Variants in SYNPO2 observed in about 807,000 individuals in gnomAD.
SYNPO2 encodes the protein synaptopodin-2.
In SYNPO2, 56 loss-of-function variants were observed where a neutral mutation model predicts 85.0. The ratio of observed to expected loss-of-function variants is 0.66; its 90% CI spans 0.53 to 0.82. The LOEUF is 0.82. SYNPO2 is among the 40% of genes least tolerant of loss of function. SYNPO2 has a pLI of 0.00. For synonymous variants in SYNPO2, 602 were observed against 591.1 expected, an observed-to-expected ratio of 1.02 and a Z score of -0.27; for missense variants, 1,575 against 1,534.2, an observed-to-expected ratio of 1.03 and a Z score of -0.44.
intron 1 of SYNPO2, among the ~76,000 whole-genome samples, chr4:118,966,435 C>G (rs866241954): frequency 3.9e-5 from 6 of 152,068 alleles, no homozygotes; most frequent in Non-Finnish European, 8.8e-5. Flanking sequence ...TCCCAGAAAC[C>G]CTGGAGCACA....
chr4:118,984,470 A>G (rs1736144473), intron 1 of SYNPO2, among the ~76,000 whole-genome samples: 1 of 152,150 alleles, frequency 6.6e-6, no homozygotes, highest in South Asian at 2.1e-4. Context: ...AGCCCCTAAA[A>G]TGACCCTTCT....
chr4:118,890,755 G>T (rs965604566), intron 1 of SYNPO2, among the ~76,000 whole-genome samples: 1 of 137,812 alleles, frequency 7.3e-6, no homozygotes, highest in Admixed American at 7.4e-5. Context: ...GTGTGTGTGT[G>T]TAGGGAGAGA....
chr4:119,022,870 G>A (rs998080392), intron 1 of SYNPO2, among the ~76,000 whole-genome samples: 22 of 151,382 alleles, frequency 1.5e-4, no homozygotes, highest in South Asian at 8.3e-4. Context: ...TCCACCTCCC[G>A]GGCTCATGCA....
At chr4:118,922,252 C>T (rs541640855) in intron 1 of SYNPO2, among the ~76,000 whole-genome samples, 1 of 152,040 alleles carries the variant, frequency 6.6e-6, no homozygotes, top group African/African-American at 2.4e-5. Flanking sequence ...TTTTAATTAT[C>T]GATTCGAATC....
intron 1 of SYNPO2, among the ~76,000 whole-genome samples, chr4:118,999,506 A>G (rs891676312): frequency 2.6e-5 from 4 of 152,142 alleles, no homozygotes; most frequent in African/African-American, 9.7e-5. Flanking sequence ...TAGAGATAAT[A>G]TATTATCTAA....
At chr4:119,008,136 T>C (rs1444629247) in intron 1 of SYNPO2, among the ~76,000 whole-genome samples, 1 of 152,236 alleles carries the variant, frequency 6.6e-6, no homozygotes, top group African/African-American at 2.4e-5. Flanking sequence ...GTACAGTAAC[T>C]TGCACATATT....
chr4:119,004,383 C>A (rs899852327), intron 1 of SYNPO2, among the ~76,000 whole-genome samples: 1 of 147,224 alleles, frequency 6.8e-6, no homozygotes, highest in Admixed American at 6.8e-5. Flanking sequence ...CCCCTACCCC[C>A]ACCCCACAAC....
chr4:119,012,928 A>G (rs1186367591), intron 1 of SYNPO2, among the ~76,000 whole-genome samples: 2 of 152,026 alleles, frequency 1.3e-5, no homozygotes, highest in African/African-American at 4.8e-5. Flanking sequence ...TTGCTTTTGC[A>G]TTGCCTTCAG....
chr4:118,903,736 G>A (rs1175459137), intron 1 of SYNPO2, among the ~76,000 whole-genome samples: 3 of 149,806 alleles, frequency 2.0e-5, no homozygotes, highest in Admixed American at 1.3e-4. Context: ...TTTTTTAGAC[G>A]GAATCTCACT....
intron 4 of SYNPO2, among the ~76,000 whole-genome samples, chr4:119,040,619 T>C (rs998102392): frequency 2.6e-5 from 4 of 152,368 alleles, no homozygotes; most frequent in African/African-American, 7.2e-5. Context: ...ATAGAATGAA[T>C]GTAGTGGACT....
chr4:118,993,624 A>G (rs2061444), intron 1 of SYNPO2, among the ~76,000 whole-genome samples: 2,454 of 152,272 alleles, frequency 0.016, 61 homozygotes, highest in African/African-American at 0.056. Context: ...CAAGTTTCTT[A>G]GACTACAGAC....
intron 1 of SYNPO2, among the ~76,000 whole-genome samples, chr4:118,988,201 A>G (rs575184874): frequency 2.4e-4 from 37 of 152,174 alleles, no homozygotes; most frequent in Non-Finnish European, 5.1e-4. Context: ...TCTAACATTA[A>G]TTTATGTGAA....
At chr4:118,936,346 T>G (rs1734101283) in intron 1 of SYNPO2, among the ~76,000 whole-genome samples, 9 of 152,250 alleles carry the variant, frequency 5.9e-5, no homozygotes. Flanking sequence ...TTTATTAATT[T>G]ATTTTGAGAC....
intron 1 of SYNPO2, among the ~76,000 whole-genome samples, chr4:118,967,791 G>A (rs1735371817): frequency 6.6e-6 from 1 of 151,476 alleles, no homozygotes; most frequent in African/African-American, 2.4e-5. Context: ...TGTAACACCA[G>A]ATTCTCTCCA....
intron 1 of SYNPO2, among the ~76,000 whole-genome samples, chr4:118,949,024 A>G (rs1734597267): frequency 6.6e-6 from 1 of 152,164 alleles, no homozygotes; most frequent in Admixed American, 6.5e-5. Flanking sequence ...ATCTCTGAGT[A>G]GGGCCTTGGA....
At chr4:118,943,303 A>T (rs1734383900) in intron 1 of SYNPO2, among the ~76,000 whole-genome samples, 1 of 152,238 alleles carries the variant, frequency 6.6e-6, no homozygotes, top group Admixed American at 6.5e-5. Flanking sequence ...TTTTCAGAGG[A>T]GAAAACATTG....
intron 3 of SYNPO2, among the ~76,000 whole-genome samples, chr4:119,027,904 T>G (rs1326255377): frequency 6.6e-6 from 1 of 152,154 alleles, no homozygotes; most frequent in Non-Finnish European, 1.5e-5. Flanking sequence ...AAAAAATCAT[T>G]GTGCAGCTTG....
chr4:118,979,256 A>G (rs1412942762), intron 1 of SYNPO2, among the ~76,000 whole-genome samples: 1 of 152,174 alleles, frequency 6.6e-6, no homozygotes, highest in Non-Finnish European at 1.5e-5. Flanking sequence ...AATAGTGGCT[A>G]TGCTTTCCTA....
At chr4:118,994,102 T>G (rs1736504239) in intron 1 of SYNPO2, among the ~76,000 whole-genome samples, 1 of 152,262 alleles carries the variant, frequency 6.6e-6, no homozygotes, top group Non-Finnish European at 1.5e-5. Flanking sequence ...ACAAGTAGTT[T>G]TGTTCCTACA....
Sources: allele counts gnomAD v4.1 joint callset (sites outside exome capture counted in the v4.1 genomes callset), GRCh38; gene constraint gnomAD v4.1.1; transcripts MANE v1.5; gene names NCBI Gene and HGNC (gene_info 2026-07-23, HGNC 2026-07-21).